MCC: variants seen among roughly 807,000 people sequenced by gnomAD.
The protein encoded by MCC is colorectal mutant cancer protein.
A neutral mutation model predicts 116.2 loss-of-function variants in MCC; 90 were observed. The observed-to-expected ratio is 0.77, with a 90% CI of 0.65 to 0.92. The LOEUF (loss-of-function observed/expected upper bound fraction) is 0.92, where lower values mean the gene tolerates loss of function less well. Among genes scored for constraint, MCC ranks in the 40% least tolerant of loss-of-function variants. The pLI is 0.00. For missense variants in MCC, 1,516 were observed against 1,312.2 expected (o/e 1.16, Z -2.40); for synonymous variants, 578 against 510.5 (o/e 1.13, Z -1.78).
intron 5 of MCC, among the ~76,000 whole-genome samples, chr5:113,127,298 G>A (rs561876850): frequency 6.6e-6 from 1 of 152,286 alleles, no homozygotes; most frequent in African/African-American, 2.4e-5. Flanking sequence ...TGTGAACAGT[G>A]CTGCAATGAA....
Position 113,082,978 on chromosome 5 carries a change from G to C in MCC, c.1666C>G (p.His556Asp). Residue 556 changes from histidine (H) to aspartate (D), a missense_variant, in exon 11 of 19, where the codon CAC becomes GAC. Transcript: ENST00000408903. Reference protein sequence around the residue: ...VSSSVAEHLAHSLQDCSNIQE... With the variant: ...VSSSVAEHLADSLQDCSNIQE... Reference sequence around the variant, plus strand: ...ATATTGGAGCAGTCCTGAAGTGAGTGGGCCAGGTGTTCAGCCACACTGCTG... The same window carrying C: ...ATATTGGAGCAGTCCTGAAGTGAGTCGGCCAGGTGTTCAGCCACACTGCTG... 1 of 1,614,064 alleles carries C rather than the reference G, an allele frequency of 6.2e-7. No homozygotes were observed. Among genetic ancestry groups the C allele is most frequent in the Non-Finnish European group, 8.5e-7 (1 of 1,179,996 alleles).
intron 11 of MCC, among the ~76,000 whole-genome samples, chr5:113,071,747 A>G (rs1348923341): frequency 6.6e-6 from 1 of 152,256 alleles, no homozygotes; most frequent in Non-Finnish European, 1.5e-5. Context: ...AACATTAAGT[A>G]TCTTGCCCTG....
intron 8 of MCC, among the ~76,000 whole-genome samples, chr5:113,096,292 C>G (rs1756011802): frequency 6.6e-6 from 1 of 152,222 alleles, no homozygotes; most frequent in Admixed American, 6.5e-5. Flanking sequence ...ACTGCCTCTC[C>G]CTTCCTTGTC....
intron 3 of MCC, among the ~76,000 whole-genome samples, chr5:113,178,234 G>A (rs977257814): frequency 3.9e-5 from 6 of 152,206 alleles, no homozygotes; most frequent in Non-Finnish European, 8.8e-5. Flanking sequence ...GACACTACCT[G>A]CAGCAGTCCC....
At chr5:113,137,977 G>GGA (rs1758939528) in intron 5 of MCC, among the ~76,000 whole-genome samples, 1 of 152,052 alleles carries the variant, frequency 6.6e-6, no homozygotes, top group African/African-American at 2.4e-5. Context: ...ATAAGGGATG[G>GGA]GAGAGTCTTC....
chr5:113,465,976 G>T (rs1395390569), intron 1 of MCC, among the ~76,000 whole-genome samples: 4 of 150,694 alleles, frequency 2.7e-5, no homozygotes, highest in Non-Finnish European at 4.4e-5. Context: ...TCGTTCCATC[G>T]CTCAGGCTGG....
intron 3 of MCC, among the ~76,000 whole-genome samples, chr5:113,275,990 A>C (rs1421838844): frequency 8.5e-6 from 1 of 117,000 alleles, no homozygotes; most frequent in Non-Finnish European, 1.8e-5. Flanking sequence ...TTTTTTTTTT[A>C]AGCAGGCCAA....
chr5:113,488,204 T>G (rs1391323099), intron 1 of MCC, 41 bp downstream of exon 1: 35 of 1,575,242 alleles, frequency 2.2e-5, no homozygotes, highest in Non-Finnish European at 3.0e-5. Context: ...GCGGAGGGAC[T>G]GATCTCGCTC....
chr5:113,456,019 T>C (rs996728257), intron 1 of MCC, among the ~76,000 whole-genome samples: 12 of 152,242 alleles, frequency 7.9e-5, no homozygotes, highest in Non-Finnish European at 1.5e-4. Flanking sequence ...TTAAAAAGGT[T>C]AAATTATGTA....
chr5:113,340,615 G>A lies in MCC; in HGVS notation c.531C>T (p.Ser177=), dbSNP rs780501770. 14 of 1,614,036 alleles carry A rather than the reference G, an allele frequency of 8.7e-6. No homozygotes were observed. The Admixed American group carries it at 2.3e-4, about 27-fold the overall frequency. Residue 177 remains serine, a synonymous_variant, in exon 3 of 19, where the codon AGC becomes AGT. Transcript: ENST00000408903. ...ALQKLLEYGG[S]SLHQQAALHK... is the part of the protein sequence containing the mutation. The stretch of plus-strand genomic sequence containing the variant: ...GGAGAGCAGCCTGCTGATGCAAAGA[G>A]CTTCCGCCATACTCGAGCAGCTTCT...
intron 4 of MCC, 91 bp downstream of exon 4, chr5:113,151,218 T>G (rs1759845506): frequency 1.3e-6 from 1 of 744,480 alleles, no homozygotes; most frequent in Admixed American, 2.6e-5. Context: ...TAATTTGTTT[T>G]GTGGGAATTT....
intron 8 of MCC, among the ~76,000 whole-genome samples, chr5:113,095,641 C>T (rs972821541): frequency 2.0e-5 from 3 of 151,936 alleles, no homozygotes; most frequent in Non-Finnish European, 2.9e-5. Flanking sequence ...CACCTCAGCC[C>T]CCGAGTAGCT....
chr5:113,068,201 G>C lies in MCC; in HGVS notation c.1926-18C>G, dbSNP rs1229389789. On this transcript the variant is annotated intron_variant, in intron 12 of 18. Coordinates refer to ENST00000408903, the MANE Select transcript of MCC (RefSeq NM_001085377.2). Reference sequence around the variant, plus strand: ...ACTGCTCGCTGAAACAAAGCACATGGGGCCTCAGCCCTTGCAGAGAACAGC... The same window carrying C: ...ACTGCTCGCTGAAACAAAGCACATGCGGCCTCAGCCCTTGCAGAGAACAGC... 3.1e-6 allele frequency: 5 copies of C among 1,599,642 alleles called. No homozygotes were observed. The highest frequency in any genetic ancestry group is 1.7e-5 in the Admixed American group (1 of 59,950).
intron 3 of MCC, among the ~76,000 whole-genome samples, chr5:113,222,898 C>G (rs1763602485): frequency 6.6e-6 from 1 of 152,174 alleles, no homozygotes; most frequent in African/African-American, 2.4e-5. Flanking sequence ...AAGGAAGGCT[C>G]TCCTGTGGGT....
chr5:113,084,575 T>C (rs780475749), intron 9 of MCC, among the ~76,000 whole-genome samples: 2 of 152,236 alleles, frequency 1.3e-5, no homozygotes, highest in African/African-American at 4.8e-5. Context: ...ACCTAACTTA[T>C]TAAACTTGAT....
At position 113,025,167 on chromosome 5, in the gene MCC, A is replaced by G. The variant is rs939330161; in HGVS notation, c.*2135T>C. On this transcript the variant is annotated 3_prime_UTR_variant, in exon 19 of 19. Transcript: ENST00000408903. ...CCCATTTGATGCCTGCTTAATCACA[A>G]AAAAGAGCCATGCACATCCCACTTT... The G allele has an allele frequency of 6.6e-6, 1 of 152,160 alleles. No individual in the cohort carries two copies. Among genetic ancestry groups the G allele is most frequent in the Non-Finnish European group, 1.5e-5 (1 of 68,020 alleles). The allele number at this position is 152,160 out of a possible 1,614,324, so 9.4% of individuals were successfully genotyped here.
chr5:113,236,230 A>T (rs868730569), intron 3 of MCC, among the ~76,000 whole-genome samples: 2 of 152,334 alleles, frequency 1.3e-5, no homozygotes, highest in East Asian at 3.9e-4. Flanking sequence ...CTGCATTTGC[A>T]GCATAAACCA....
chr5:113,190,411 A>C (rs930171536), intron 3 of MCC, among the ~76,000 whole-genome samples: 8 of 152,218 alleles, frequency 5.3e-5, no homozygotes, highest in Non-Finnish European at 1.0e-4. Flanking sequence ...CACATGCGGA[A>C]GGAGGGGCTA....
At chr5:113,134,414 G>A (rs1217790961) in intron 5 of MCC, among the ~76,000 whole-genome samples, 1 of 152,118 alleles carries the variant, frequency 6.6e-6, no homozygotes, top group East Asian at 1.9e-4. Context: ...TCTCTATTAT[G>A]TTTCATTGCT....
Sources: gnomAD v4.1 joint callset for allele counts (sites outside exome capture counted in the v4.1 genomes callset) on GRCh38, gnomAD v4.1.1 for gene constraint, MANE v1.5 for transcripts, NCBI Gene and HGNC (gene_info 2026-07-23, HGNC 2026-07-21) for gene names.